ANO3: variants seen among roughly 807,000 people sequenced by gnomAD.
ANO3 encodes the protein anoctamin 3, also known as anoctamin-3.
ANO3 carries 99 observed loss-of-function variants against 144.8 expected under a neutral mutation model. That is an observed-to-expected ratio of 0.68 (90% CI 0.58 to 0.81). The LOEUF is 0.81. Among genes scored for constraint, ANO3 ranks in the 30% least tolerant of loss-of-function variants. ANO3 has a pLI of 0.00. For synonymous variants in ANO3, 414 were observed against 392.6 expected (o/e 1.05, Z -0.64); for missense variants, 905 against 1,202.2 (o/e 0.75, Z 3.66).
At chr11:26,383,220 T>C (rs1856634443) in intron 1 of ANO3, among the ~76,000 whole-genome samples, 1 of 152,142 alleles carries the variant, frequency 6.6e-6, no homozygotes, top group Non-Finnish European at 1.5e-5. Context: ...TAATAAAAAT[T>C]AGCAGATTAA....
intron 1 of ANO3, among the ~76,000 whole-genome samples, chr11:26,335,691 A>C (rs117714919): frequency 6.6e-6 from 1 of 152,284 alleles, no homozygotes; most frequent in Non-Finnish European, 1.5e-5. Context: ...GACTGTGCTT[A>C]ATAATAGCAT....
At chr11:26,244,457 A>C (rs530231529) in intron 1 of ANO3, among the ~76,000 whole-genome samples, 49 of 150,870 alleles carry the variant, frequency 3.2e-4, no homozygotes, top group Admixed American at 1.5e-3. Context: ...CCACTTAGTC[A>C]GTGAGAACCA....
intron 1 of ANO3, among the ~76,000 whole-genome samples, chr11:26,430,355 C>T (rs1230612439): frequency 2.0e-5 from 3 of 151,810 alleles, no homozygotes; most frequent in Non-Finnish European, 4.4e-5. Flanking sequence ...ATCTTATATC[C>T]TTGCAAATGA....
intron 14 of ANO3, among the ~76,000 whole-genome samples, chr11:26,567,582 C>A (rs1045126477): frequency 2.0e-5 from 3 of 151,956 alleles, no homozygotes; most frequent in Non-Finnish European, 2.9e-5. Context: ...TAGTTATCTT[C>A]AAAATCTGAT....
chr11:26,194,765 C>A (rs1055215257), intron 1 of ANO3, among the ~76,000 whole-genome samples: 18 of 151,946 alleles, frequency 1.2e-4, no homozygotes, highest in Admixed American at 1.2e-3. Flanking sequence ...GGGATTTCAC[C>A]ATATTGGTCA....
At chr11:26,599,327 T>C (rs1851728150) in intron 16 of ANO3, among the ~76,000 whole-genome samples, 1 of 152,236 alleles carries the variant, frequency 6.6e-6, no homozygotes, top group Non-Finnish European at 1.5e-5. Context: ...AGAATTTGCA[T>C]GTTAGTGTGA....
intron 3 of ANO3, among the ~76,000 whole-genome samples, chr11:26,454,877 G>A (rs1376894971): frequency 6.7e-6 from 1 of 150,342 alleles, no homozygotes; most frequent in African/African-American, 2.4e-5. Context: ...TATCCACCAT[G>A]ATCAAGTGGG....
intron 14 of ANO3, among the ~76,000 whole-genome samples, chr11:26,585,264 T>TGA (rs1049882585): frequency 1.6e-4 from 24 of 152,054 alleles, no homozygotes; most frequent in Admixed American, 6.6e-5. Context: ...ACTAATGCTT[T>TGA]GAGAGAGAGA....
At chr11:26,504,885 G>A (rs1010674548) in intron 4 of ANO3, among the ~76,000 whole-genome samples, 6 of 151,830 alleles carry the variant, frequency 4.0e-5, no homozygotes, top group Admixed American at 6.6e-5. Flanking sequence ...GGTGGCGGGC[G>A]CCTGTAGTCC....
intron 4 of ANO3, among the ~76,000 whole-genome samples, chr11:26,505,022 AAAAAAAAAAAAAAAAAAG>A (rs1365594368): frequency 4.7e-5 from 7 of 149,760 alleles, no homozygotes; most frequent in African/African-American, 1.7e-4. Flanking sequence ...AAAAAAAAAA[AAAAAAAAAAAAAAAAAAG>A]AAGAGAAAAG....
intron 4 of ANO3, among the ~76,000 whole-genome samples, chr11:26,473,747 G>A (rs1251690097): frequency 2.0e-5 from 3 of 151,886 alleles, no homozygotes; most frequent in East Asian, 3.9e-4. Context: ...TGTCACTGAC[G>A]TTATATGATT....
chr11:26,232,899 T>C (rs968037039), intron 1 of ANO3, among the ~76,000 whole-genome samples: 6 of 152,136 alleles, frequency 3.9e-5, no homozygotes, highest in African/African-American at 1.4e-4. Flanking sequence ...AAAGGGCTAA[T>C]AGCCATAATC....
At chr11:26,395,752 C>T (rs550594654) in intron 1 of ANO3, among the ~76,000 whole-genome samples, 334 of 152,150 alleles carry the variant, frequency 2.2e-3, no homozygotes, top group African/African-American at 7.6e-3. Flanking sequence ...ATACAGAAAA[C>T]TGAAACTGGA....
chr11:26,649,278 C>G (rs1853447861), intron 24 of ANO3, among the ~76,000 whole-genome samples: 1 of 152,116 alleles, frequency 6.6e-6, no homozygotes, highest in African/African-American at 2.4e-5. Context: ...AGGTATATAA[C>G]AGTAGAATCT....
At chr11:26,456,126 A>C (rs2134046707) in intron 3 of ANO3, among the ~76,000 whole-genome samples, 1 of 152,262 alleles carries the variant, frequency 6.6e-6, no homozygotes, top group South Asian at 2.1e-4. Context: ...AAACCCTAGA[A>C]GAAAACCTAG....
chr11:26,532,132 A>G (rs755989468), intron 8 of ANO3, among the ~76,000 whole-genome samples: 8 of 152,306 alleles, frequency 5.3e-5, no homozygotes, highest in Middle Eastern at 6.8e-3. Flanking sequence ...GATGAAACAG[A>G]TTTCCAGACC....
chr11:26,215,043 A>G (rs1852009013), intron 1 of ANO3, among the ~76,000 whole-genome samples: 1 of 151,986 alleles, frequency 6.6e-6, no homozygotes, highest in African/African-American at 2.4e-5. Context: ...ATCATGACAA[A>G]GGTACGTACT....
intron 6 of ANO3, among the ~76,000 whole-genome samples, chr11:26,522,704 T>C (rs963860036): frequency 6.6e-6 from 1 of 152,250 alleles, no homozygotes; most frequent in South Asian, 2.1e-4. Context: ...ATCAAAGATA[T>C]GCAGTATATT....
chr11:26,374,689 A>G (rs1380918096), intron 1 of ANO3, among the ~76,000 whole-genome samples: 1 of 152,144 alleles, frequency 6.6e-6, no homozygotes, highest in East Asian at 1.9e-4. Flanking sequence ...ACAGACAGGG[A>G]AAGTGGAGGT....
Sources: allele counts gnomAD v4.1 joint callset (sites outside exome capture counted in the v4.1 genomes callset), GRCh38; gene constraint gnomAD v4.1.1; transcripts MANE v1.5; gene names NCBI Gene and HGNC (gene_info 2026-07-23, HGNC 2026-07-21).